The following ADGRL4 variants were observed in gnomAD, a reference collection of about 807,000 sequenced individuals.
ADGRL4 encodes adhesion G protein-coupled receptor L4.
In ADGRL4, 90 loss-of-function variants were observed where a neutral mutation model predicts 74.8. The ratio of observed to expected loss-of-function variants is 1.20; its 90% CI spans 1.02 to 1.43. The LOEUF (loss-of-function observed/expected upper bound fraction) is 1.43. ADGRL4 is among the 40% of genes most tolerant of loss of function. The probability of loss-of-function intolerance (pLI) is 0.00; values close to 1 mark genes in which losing one functional copy is unlikely to be tolerated. For synonymous variants in ADGRL4, 311 were observed against 279.2 expected, an observed-to-expected ratio of 1.11 and a Z score of -1.14; for missense variants, 881 against 814.3, an observed-to-expected ratio of 1.08 and a Z score of -1.00.
chr1:78,898,863 A>G (rs2100653159), intron 12 of ADGRL4, among the ~76,000 whole-genome samples: 1 of 152,256 alleles, frequency 6.6e-6, no homozygotes, highest in East Asian at 1.9e-4. Context: ...CAGTGTGTTA[A>G]AATTTTTTAA....
chr1:78,949,127 G>A (rs1398788420), intron 2 of ADGRL4, among the ~76,000 whole-genome samples: 2 of 152,082 alleles, frequency 1.3e-5, no homozygotes, highest in Non-Finnish European at 2.9e-5. Flanking sequence ...GTGGGCTATA[G>A]CTGTAAAAAT....
rs1355553016 is a variant in ADGRL4 at position 78,946,284 on chromosome 1, G to T, written c.315C>A (p.Thr105=). The stretch of plus-strand genomic sequence containing the variant: ...GATAACCGAACTTACCTATACAGAC[G>T]GTTCCATCATTAGTGATAAACCTGT... ...NQDRFITNDG[T]VCIENVNANC... Residue 105 remains threonine (T), a synonymous_variant, in exon 3 of 15, where the codon ACC becomes ACA. Transcript: ENST00000370742. The T allele has an allele frequency of 6.2e-7, 1 of 1,610,228 alleles. No homozygotes were observed. Among genetic ancestry groups the T allele is most frequent in the Non-Finnish European group, 8.5e-7 (1 of 1,178,498 alleles).
At chr1:78,910,322 G>T (rs1490625905) in intron 12 of ADGRL4, among the ~76,000 whole-genome samples, 1 of 151,802 alleles carries the variant, frequency 6.6e-6, no homozygotes, top group Admixed American at 6.6e-5. Context: ...AAGGGAATTA[G>T]ATTGTAGACA....
At chr1:78,981,984 T>C (rs962441190) in intron 2 of ADGRL4, among the ~76,000 whole-genome samples, 3 of 151,878 alleles carry the variant, frequency 2.0e-5, no homozygotes, top group African/African-American at 7.2e-5. Flanking sequence ...ATATTTTCAA[T>C]TTCAACTAGA....
intron 2 of ADGRL4, among the ~76,000 whole-genome samples, chr1:78,974,492 C>T (rs1650238749): frequency 6.6e-6 from 1 of 152,106 alleles, no homozygotes; most frequent in Non-Finnish European, 1.5e-5. Context: ...CTCAAGGAAA[C>T]ATCCTCAGTT....
chr1:78,893,623 C>T (rs997768281), intron 12 of ADGRL4, among the ~76,000 whole-genome samples: 2 of 151,832 alleles, frequency 1.3e-5, no homozygotes, highest in Non-Finnish European at 2.9e-5. Flanking sequence ...GAAAACTCAA[C>T]AAAACACTCT....
chr1:78,974,567 G>C (rs1157015627), intron 2 of ADGRL4, among the ~76,000 whole-genome samples: 1 of 152,094 alleles, frequency 6.6e-6, no homozygotes, highest in Non-Finnish European at 1.5e-5. Context: ...TAAAAACACA[G>C]GTGTATTATC....
At chr1:78,986,913 G>A (rs1650510382) in intron 2 of ADGRL4, among the ~76,000 whole-genome samples, 1 of 151,718 alleles carries the variant, frequency 6.6e-6, no homozygotes, top group Admixed American at 6.6e-5. Flanking sequence ...GACCACAAGG[G>A]AGGTGTTCTG....
intron 2 of ADGRL4, among the ~76,000 whole-genome samples, chr1:78,990,864 C>A (rs1005104499): frequency 6.6e-6 from 1 of 151,922 alleles, no homozygotes; most frequent in African/African-American, 2.4e-5. Context: ...ATCTTCAGAA[C>A]TTATCCTCCA....
intron 12 of ADGRL4, among the ~76,000 whole-genome samples, chr1:78,906,185 A>T (rs190678783): frequency 2.6e-5 from 4 of 152,138 alleles, no homozygotes; most frequent in Admixed American, 6.6e-5. Flanking sequence ...AGTTGGCAGG[A>T]TACTTGTCTA....
chr1:78,924,133 T>C (rs1649061569), intron 8 of ADGRL4, among the ~76,000 whole-genome samples: 2 of 151,974 alleles, frequency 1.3e-5, no homozygotes, highest in Non-Finnish European at 2.9e-5. Flanking sequence ...AAAATATTAA[T>C]TGCATTCAAC....
At chr1:78,984,422 G>GA (rs1650454949) in intron 2 of ADGRL4, among the ~76,000 whole-genome samples, 1 of 151,608 alleles carries the variant, frequency 6.6e-6, no homozygotes, top group Admixed American at 6.6e-5. Context: ...TGTCCACCAG[G>GA]AAACAGTCTG....
intron 2 of ADGRL4, among the ~76,000 whole-genome samples, chr1:79,004,701 T>A (rs1411070749): frequency 6.6e-6 from 1 of 152,152 alleles, no homozygotes; most frequent in Non-Finnish European, 1.5e-5. Flanking sequence ...ATAAAAATAC[T>A]TATATACTTG....
At chr1:78,900,005 T>C (rs1201450976) in intron 12 of ADGRL4, among the ~76,000 whole-genome samples, 1 of 152,182 alleles carries the variant, frequency 6.6e-6, no homozygotes, top group East Asian at 1.9e-4. Flanking sequence ...TTGAGCCCAA[T>C]ATAATCACAT....
intron 2 of ADGRL4, among the ~76,000 whole-genome samples, chr1:78,971,276 CT>C (rs889037808): frequency 6.6e-5 from 10 of 151,942 alleles, no homozygotes; most frequent in African/African-American, 1.7e-4. Context: ...AGATATACTT[CT>C]TTTTTTTATT....
rs1167316124 is a variant in ADGRL4 at position 78,921,711 on chromosome 1, C to T, written c.1159G>A (p.Glu387Lys). Residue 387 changes from glutamate (E) to lysine (K), a missense_variant, in exon 9 of 15, where the codon GAG (glutamate) becomes AAG (lysine). By Grantham distance (56) the Glu-to-Lys change is moderately conservative. Coordinates refer to ENST00000370742, the MANE Select transcript of ADGRL4 (RefSeq NM_022159.4). ...PDTMNGSWSS[E>K]GCELTYSNET... ...TTTGAGTATGTCAGCTCACAGCCCTCTGAAGACCAGCTGCCATTCATGGTA... is the reference window on the plus strand; with the variant it reads ...TTTGAGTATGTCAGCTCACAGCCCTTTGAAGACCAGCTGCCATTCATGGTA... 1.2e-6 allele frequency: 2 copies of T among 1,604,282 alleles called. No homozygotes were observed. The highest frequency in any genetic ancestry group is 1.7e-6 in the Non-Finnish European group (2 of 1,175,184).
chr1:78,949,225 C>A (rs893372458), intron 2 of ADGRL4, among the ~76,000 whole-genome samples: 3 of 152,020 alleles, frequency 2.0e-5, no homozygotes, highest in African/African-American at 7.2e-5. Context: ...TATCACCTAA[C>A]TGATTGTTTG....
At chr1:78,973,070 C>A (rs1650203130) in intron 2 of ADGRL4, among the ~76,000 whole-genome samples, 2 of 152,278 alleles carry the variant, frequency 1.3e-5, no homozygotes, top group South Asian at 2.1e-4. Flanking sequence ...TCATTTCCTC[C>A]TTTAACTCCT....
intron 2 of ADGRL4, among the ~76,000 whole-genome samples, chr1:78,964,629 G>A (rs1393127642): frequency 1.3e-5 from 2 of 152,030 alleles, no homozygotes; most frequent in African/African-American, 2.4e-5. Context: ...CTTCTAAAAT[G>A]TTTCATCAAT....
Sources: gnomAD v4.1 joint callset for allele counts (sites outside exome capture counted in the v4.1 genomes callset) on GRCh38, gnomAD v4.1.1 for gene constraint, MANE v1.5 for transcripts, NCBI Gene and HGNC (gene_info 2026-07-23, HGNC 2026-07-21) for gene names.